Variants in KCNK9 observed in about 807,000 individuals in gnomAD.
KCNK9 encodes the protein potassium two pore domain channel subfamily K member 9, also known as potassium channel subfamily K member 9.
KCNK9 carries 1 observed loss-of-function variant against 10.8 expected under a neutral mutation model. The ratio of observed to expected loss-of-function variants is 0.09; its 90% confidence interval spans 0.03 to 0.44. KCNK9 has a LOEUF of 0.44. Ranked by LOEUF, KCNK9 falls within the 20% of genes least tolerant of loss-of-function variation. The pLI, the probability that KCNK9 is intolerant of heterozygous loss-of-function variation, is 0.97. For synonymous variants in KCNK9, 231 were observed against 222.7 expected (o/e 1.04, Z -0.33); for missense variants, 303 against 515.0 (o/e 0.59, Z 3.98).
At chr8:139,641,213 G>GC (rs1815496017) in intron 1 of KCNK9, among the ~76,000 whole-genome samples, 1 of 152,136 alleles carries the variant, frequency 6.6e-6, no homozygotes, top group Non-Finnish European at 1.5e-5. Context: ...AGAACCCTGG[G>GC]CCCGGACCCT....
intron 1 of KCNK9, among the ~76,000 whole-genome samples, chr8:139,657,103 C>T (rs1391447287): frequency 6.6e-6 from 1 of 152,182 alleles, no homozygotes; most frequent in African/African-American, 2.4e-5. Context: ...TCTTTTGAGG[C>T]TCAGCTCCAA....
At chr8:139,603,510 G>T (rs1817418702) in intron 2 of KCNK9, among the ~76,000 whole-genome samples, 1 of 152,212 alleles carries the variant, frequency 6.6e-6, no homozygotes, top group Non-Finnish European at 1.5e-5. Flanking sequence ...AAGAAAGATG[G>T]TTTCGTATTT....
intron 1 of KCNK9, among the ~76,000 whole-genome samples, chr8:139,677,404 G>C (rs1295272996): frequency 1.3e-5 from 2 of 152,056 alleles, no homozygotes; most frequent in Non-Finnish European, 2.9e-5. Context: ...TTGTCCCAGG[G>C]GCTAGTCTGA....
At chr8:139,616,247 C>T (rs1814585537), downstream of KCNK9, 1 of 152,178 alleles carries the variant, frequency 6.6e-6, no homozygotes, top group Admixed American at 6.5e-5. Flanking sequence ...GGCTTTTATA[C>T]CTCTGACCCC....
intron 1 of KCNK9, among the ~76,000 whole-genome samples, chr8:139,644,287 T>C (rs1426762455): frequency 6.6e-6 from 1 of 152,222 alleles, no homozygotes; most frequent in East Asian, 1.9e-4. Flanking sequence ...TCGGCAGCCA[T>C]GGATATTCAA....
intron 1 of KCNK9, among the ~76,000 whole-genome samples, chr8:139,623,222 T>C (rs557056112): frequency 5.3e-5 from 8 of 152,334 alleles, no homozygotes; most frequent in African/African-American, 1.9e-4. Flanking sequence ...ACAAATCTAA[T>C]ACATTCCCCC....
At chr8:139,602,444 C>T (rs958472162) in intron 2 of KCNK9, among the ~76,000 whole-genome samples, 2 of 152,000 alleles carry the variant, frequency 1.3e-5, no homozygotes, top group South Asian at 2.1e-4. Flanking sequence ...GGACTTAGAA[C>T]GCAGCAATGC....
chr8:139,613,784 T>C (rs1814500571), downstream of KCNK9, among the ~76,000 whole-genome samples: 1 of 151,978 alleles, frequency 6.6e-6, no homozygotes, highest in Non-Finnish European at 1.5e-5. Context: ...GTTTCCAGGG[T>C]CTGTGCTGGC....
At chr8:139,622,394 C>G (rs570663860) in intron 1 of KCNK9, among the ~76,000 whole-genome samples, 17 of 152,284 alleles carry the variant, frequency 1.1e-4, no homozygotes, top group African/African-American at 3.9e-4. Context: ...GCTCTCTACC[C>G]TGGGAGCTAC....
chr8:139,680,264 G>T (rs549066236), intron 1 of KCNK9, among the ~76,000 whole-genome samples: 46 of 152,356 alleles, frequency 3.0e-4, no homozygotes, highest in African/African-American at 1.1e-3. Context: ...GGGTGGCAGA[G>T]GGGGCAGGCG....
intron 1 of KCNK9, among the ~76,000 whole-genome samples, chr8:139,633,991 C>T (rs1815256581): frequency 6.6e-6 from 1 of 152,276 alleles, no homozygotes; most frequent in Non-Finnish European, 1.5e-5. Flanking sequence ...CTTCTGCTCT[C>T]CGCCCCAGGG....
downstream of KCNK9, among the ~76,000 whole-genome samples, chr8:139,607,784 A>AT (rs1419446363): frequency 6.6e-6 from 1 of 152,170 alleles, no homozygotes; most frequent in Non-Finnish European, 1.5e-5. Context: ...TGTCTCTCCA[A>AT]ATTCCCCCAC....
intron 1 of KCNK9, among the ~76,000 whole-genome samples, chr8:139,624,199 G>T (rs1447429153): frequency 6.6e-6 from 1 of 152,202 alleles, no homozygotes; most frequent in African/African-American, 2.4e-5. Flanking sequence ...CATCTAGGGG[G>T]ATGCTGAGTT....
intron 1 of KCNK9, among the ~76,000 whole-genome samples, chr8:139,637,039 CA>C (rs1195125232): frequency 1.3e-5 from 2 of 152,064 alleles, no homozygotes; most frequent in Non-Finnish European, 2.9e-5. Flanking sequence ...GACCAAAAGA[CA>C]AAAAGGAAAA....
intron 1 of KCNK9, among the ~76,000 whole-genome samples, chr8:139,636,516 T>C (rs865887398): frequency 2.6e-5 from 4 of 152,214 alleles, no homozygotes; most frequent in Admixed American, 1.3e-4. Context: ...TAGACTCAGC[T>C]CCTGCTGCTG....
chr8:139,675,016 T>C (rs1816518437), intron 1 of KCNK9, among the ~76,000 whole-genome samples: 1 of 152,178 alleles, frequency 6.6e-6, no homozygotes, highest in Non-Finnish European at 1.5e-5. Flanking sequence ...AGCACTGGCC[T>C]TAGAGTCAGC....
chr8:139,621,698 G>T (rs1476035853), intron 1 of KCNK9, among the ~76,000 whole-genome samples: 2 of 152,130 alleles, frequency 1.3e-5, no homozygotes, highest in Non-Finnish European at 1.5e-5. Flanking sequence ...CTGGGGAGAA[G>T]GACACCATAT....
intron 1 of KCNK9, among the ~76,000 whole-genome samples, chr8:139,642,664 C>T (rs574747547): frequency 1.3e-5 from 2 of 152,378 alleles, no homozygotes; most frequent in Non-Finnish European, 2.9e-5. Context: ...GCCACTTCCA[C>T]TGCAGCTTCT....
chr8:139,682,033 GTTC>G (rs1816699290), intron 1 of KCNK9, among the ~76,000 whole-genome samples: 1 of 152,208 alleles, frequency 6.6e-6, no homozygotes, highest in Admixed American at 6.5e-5. Flanking sequence ...AGAACGGCAA[GTTC>G]AGCAGGCACC....
Sources: allele counts gnomAD v4.1 joint callset (sites outside exome capture counted in the v4.1 genomes callset), GRCh38; gene constraint gnomAD v4.1.1; transcripts MANE v1.5; gene names NCBI Gene and HGNC (gene_info 2026-07-23, HGNC 2026-07-21).